Variants in TMEM143 observed in about 807,000 individuals in gnomAD.
TMEM143 encodes the protein transmembrane protein 143.
A neutral mutation model predicts 40.3 loss-of-function variants in TMEM143; 45 were observed. That is an observed-to-expected ratio of 1.12 (90% confidence interval 0.88 to 1.43). The LOEUF (loss-of-function observed/expected upper bound fraction) is 1.43, where lower values mean the gene tolerates loss of function less well. Among genes scored for constraint, TMEM143 ranks in the 40% most tolerant of loss-of-function variants. The probability of loss-of-function intolerance (pLI) is 0.00; values close to 1 mark genes in which losing one functional copy is unlikely to be tolerated. For missense variants in TMEM143, 620 were observed against 613.4 expected (o/e 1.01, Z -0.11); for synonymous variants, 299 against 282.7 (o/e 1.06, Z -0.58).
chr19:48,334,467 TTTCTTTCTTTC>T (rs1192661300), intron 6 of TMEM143, among the ~76,000 whole-genome samples: 4 of 48,908 alleles, frequency 8.2e-5, no homozygotes, highest in African/African-American at 1.3e-4. Context: ...TCTTTCTTTC[TTTCTTTCTTTC>T]TTTTTCTTTC....
At chr19:48,340,165 C>T (rs1450885423) in intron 6 of TMEM143, among the ~76,000 whole-genome samples, 4 of 123,838 alleles carry the variant, frequency 3.2e-5, no homozygotes, top group African/African-American at 6.3e-5. Flanking sequence ...CTCACTGTGT[C>T]GCCCAGGCTG....
chr19:48,339,214 T>C (rs1969436126), intron 6 of TMEM143, among the ~76,000 whole-genome samples: 2 of 152,054 alleles, frequency 1.3e-5, no homozygotes, highest in Non-Finnish European at 2.9e-5. Flanking sequence ...GCTGGGGGTC[T>C]AGCCAGTGAC....
In TMEM143 at chr19:48,333,580, G is replaced by T; in HGVS notation, c.1166-147C>A. 2 of 572,372 alleles carry T rather than the reference G, an allele frequency of 3.5e-6. No individual in the cohort carries two copies. Among genetic ancestry groups the T allele is most frequent in the Non-Finnish European group, 6.0e-6 (2 of 331,220 alleles). 35.5% of individuals were successfully genotyped at this position (572,372 alleles called of 1,614,324 possible). ...TGATCTTGAGGCTTGGAGGGGAGCG[G>T]AACAAGGCCCAGGAGGGTCGAGAGG... is the stretch of plus-strand genomic sequence containing the variant. On this transcript the variant is annotated intron_variant, in intron 7 of 7. Transcript: ENST00000293261. The surrounding 1 kb of genome is among the most constrained non-coding windows in gnomAD (Gnocchi z 4.1).
In TMEM143 at chr19:48,334,097, A is replaced by G; in HGVS notation, c.1076T>C (p.Leu359Pro). ...CTTGGTGTGCTCGTCCTGCGCGCGC[A>G]GGGCCAGGGCGCTGAGCAGCTCCGA... Reference protein sequence around the residue: ...NNSELLSALALRAQDEHTKEA... With the variant: ...NNSELLSALAPRAQDEHTKEA... The change falls in exon 7 of 8, where the codon CTG becomes CCG. Residue 359 changes from leucine (L) to proline (P), a missense_variant. Physicochemically the swap from Leu to Pro is moderately conservative, Grantham distance 98. Transcript: ENST00000293261. 1.3e-6 allele frequency: 2 copies of G among 1,595,644 alleles called. No homozygotes were observed. Among genetic ancestry groups the G allele is most frequent in the Non-Finnish European group, 8.5e-7 (1 of 1,172,306 alleles).
chr19:48,343,453 T>C lies in TMEM143; in HGVS notation c.565-2A>G. The C allele has an allele frequency of 6.4e-7, 1 of 1,573,104 alleles. No homozygotes were observed. Among genetic ancestry groups the C allele is most frequent in the Admixed American group, 1.9e-5 (1 of 53,272 alleles). ...ATACTGATCCAAATTTACTGTCACCTGCCGGGGGGATGAAGGAAGCAGTGG... is the reference window on the plus strand; with the variant it reads ...ATACTGATCCAAATTTACTGTCACCCGCCGGGGGGATGAAGGAAGCAGTGG... On this transcript the variant is annotated splice_acceptor_variant, in intron 4 of 7. Transcript: ENST00000293261. LOFTEE classifies it high-confidence loss of function.
intron 3 of TMEM143, 112 bp from the exon 4 acceptor site, chr19:48,345,466 A>ATTTATTTAT: frequency 1.5e-6 from 1 of 678,014 alleles, no homozygotes; most frequent in Non-Finnish European, 2.0e-6. Flanking sequence ...TTATTTATTT[A>ATTTATTTAT]TTTATTTTAT....
At chr19:48,353,715 T>C (rs1969823420) in intron 3 of TMEM143, among the ~76,000 whole-genome samples, 1 of 151,674 alleles carries the variant, frequency 6.6e-6, no homozygotes, top group African/African-American at 2.4e-5. Flanking sequence ...AAGGTAAAGA[T>C]ACAGATGAGA....
At chr19:48,347,702 G>A (rs1375002980) in intron 3 of TMEM143, among the ~76,000 whole-genome samples, 2 of 151,854 alleles carry the variant, frequency 1.3e-5, no homozygotes, top group Admixed American at 6.6e-5. Context: ...GACTACAAGC[G>A]AGCACCACCA....
chr19:48,358,024 C>T (rs2569714), intron 3 of TMEM143, among the ~76,000 whole-genome samples: 118,067 of 151,912 alleles, frequency 0.78, 45,915 homozygotes, highest in Admixed American at 0.85. Flanking sequence ...TGCACCACTA[C>T]AGAATTCATC....
intron 3 of TMEM143, among the ~76,000 whole-genome samples, chr19:48,355,932 T>C (rs1171473659): frequency 1.3e-5 from 2 of 152,160 alleles, no homozygotes; most frequent in Non-Finnish European, 2.9e-5. Context: ...CATATGTGAC[T>C]GACCCCCAGT....
intron 3 of TMEM143, among the ~76,000 whole-genome samples, chr19:48,357,649 C>CCCGGCCTCAA (rs1332936478): frequency 6.6e-6 from 1 of 152,152 alleles, no homozygotes; most frequent in African/African-American, 2.4e-5. Flanking sequence ...AGCCACCACG[C>CCCGGCCTCAA]CCGGCCTCAA....
chr19:48,343,839 C>G (rs1014417055), intron 4 of TMEM143, among the ~76,000 whole-genome samples: 5 of 152,160 alleles, frequency 3.3e-5, no homozygotes, highest in Non-Finnish European at 7.3e-5. Flanking sequence ...TTTAAAATCA[C>G]TAAAATGTGG....
At position 48,343,304 on chromosome 19, in the gene TMEM143, A is replaced by C. The variant is rs748996476; in HGVS notation, c.695+17T>G. The C allele has an allele frequency of 1.6e-5, 25 of 1,607,460 alleles. No homozygotes were observed. In the South Asian group the frequency reaches 2.7e-4, roughly 17 times the overall value. ...TTGCTCCCTCTTGCTGCAGCTGGGG[A>C]ACAAGGGCCGCCTCACCTCTCCGCA... On this transcript the variant is annotated intron_variant, in intron 5 of 7. Coordinates refer to ENST00000293261, the MANE Select transcript of TMEM143 (RefSeq NM_018273.4).
chr19:48,346,475 T>C (rs1332713037), intron 3 of TMEM143, among the ~76,000 whole-genome samples: 3 of 152,182 alleles, frequency 2.0e-5, no homozygotes, highest in African/African-American at 4.8e-5. Context: ...CCCTCCTCTC[T>C]ATCTCCTTTG....
In TMEM143 at chr19:48,342,715, G is replaced by A. The variant is rs1213876721; in HGVS notation, c.790C>T (p.Gln264Ter). 2 of 1,614,174 alleles carry A rather than the reference G, an allele frequency of 1.2e-6. No individual in the cohort carries two copies. The highest frequency in any genetic ancestry group is 3.3e-5 in the Admixed American group (2 of 60,020). Residue 264 changes from glutamine to a stop codon, truncating the protein, a stop_gained, in exon 6 of 8, where the codon CAG becomes TAG. Coordinates refer to ENST00000293261, the MANE Select transcript of TMEM143 (RefSeq NM_018273.4). LOFTEE classifies it high-confidence loss of function. The stretch of plus-strand genomic sequence containing the variant: ...CGCACCTTCAGCTCCGGCAGCAGCT[G>A]CTCCAGGCCTTCCAGCGGCGTGTCC... ...FKDTPLEGLE[Q>*]LLPELKVRTP...
At position 48,360,083 on chromosome 19, in the gene TMEM143, C is replaced by G; in HGVS notation, c.358G>C (p.Ala120Pro). Reference protein sequence around the residue: ...CTLFHYHQILARLQALYDPIN... With the variant: ...CTLFHYHQILPRLQALYDPIN... ...GGCCCCGTCCTCACCTGCAGCCGGG[C>G]CAGGATTTGGTGGTAGTGGAACAGG... Residue 120 changes from alanine to proline, a missense_variant, in exon 3 of 8, where the codon GCC becomes CCC. Transcript: ENST00000293261. 1 of 1,614,062 alleles carries G rather than the reference C, an allele frequency of 6.2e-7. No individual in the cohort carries two copies. Among genetic ancestry groups the G allele is most frequent in the Non-Finnish European group, 8.5e-7 (1 of 1,180,010 alleles).
At chr19:48,341,443 G>A (rs558112186) in intron 6 of TMEM143, among the ~76,000 whole-genome samples, 1 of 152,178 alleles carries the variant, frequency 6.6e-6, no homozygotes, top group Non-Finnish European at 1.5e-5. Context: ...ACTAGGACTG[G>A]AGCCCAGGAG....
intron 2 of TMEM143, among the ~76,000 whole-genome samples, chr19:48,361,497 C>T (rs1365255921): frequency 6.6e-6 from 1 of 150,686 alleles, no homozygotes; most frequent in Admixed American, 6.6e-5. Flanking sequence ...GGATTACTGG[C>T]GTGAGCCACC....
chr19:48,346,045 GTGC>G (rs1209129052), intron 3 of TMEM143, among the ~76,000 whole-genome samples: 1 of 151,188 alleles, frequency 6.6e-6, no homozygotes, highest in East Asian at 2.0e-4. Context: ...GCCTCCCAAA[GTGC>G]TGGGATTACA....
Sources: allele counts gnomAD v4.1 joint callset (sites outside exome capture counted in the v4.1 genomes callset), GRCh38; gene constraint gnomAD v4.1.1; non-coding constraint Gnocchi (gnomAD v3.1); transcripts MANE v1.5; gene names NCBI Gene and HGNC (gene_info 2026-07-23, HGNC 2026-07-21).